Variants in CD44 observed in about 807,000 individuals in gnomAD.
CD44 encodes the protein CD44 antigen.
Under a neutral mutation model 88.8 loss-of-function variants are expected in CD44, and 49 were observed. The observed-to-expected ratio is 0.55, with a 90% CI of 0.44 to 0.70. The LOEUF is 0.70. Among genes scored for constraint, CD44 ranks in the 30% least tolerant of loss-of-function variants. CD44 has a pLI of 0.00. For synonymous variants in CD44, 325 were observed against 312.3 expected (o/e 1.04, Z -0.43); for missense variants, 883 against 913.8 (o/e 0.97, Z 0.43).
intron 1 of CD44, among the ~76,000 whole-genome samples, chr11:35,172,173 C>A (rs1943983450): frequency 6.6e-6 from 1 of 152,192 alleles, no homozygotes; most frequent in Admixed American, 6.5e-5. Flanking sequence ...TTTGACTTGT[C>A]CACTTTTGCT....
chr11:35,173,634 TTTC>T (rs1944148904), intron 1 of CD44, among the ~76,000 whole-genome samples: 1 of 152,260 alleles, frequency 6.6e-6, no homozygotes, highest in Non-Finnish European at 1.5e-5. Context: ...CCATTTCTTG[TTTC>T]TTCTTTTACT....
chr11:35,149,211 C>T (rs762073545), intron 1 of CD44, among the ~76,000 whole-genome samples: 13 of 152,144 alleles, frequency 8.5e-5, no homozygotes, highest in Non-Finnish European at 1.8e-4. Context: ...TTTTTGGTCA[C>T]CATGCTAGAG....
At chr11:35,177,956 T>C (rs1944630587) in intron 2 of CD44, among the ~76,000 whole-genome samples, 1 of 152,222 alleles carries the variant, frequency 6.6e-6, no homozygotes, top group South Asian at 2.1e-4. Context: ...TGCAGAAAGT[T>C]CTATTGAGGA....
chr11:35,179,587 G>A (rs142862551), intron 2 of CD44, among the ~76,000 whole-genome samples: 194 of 152,240 alleles, frequency 1.3e-3, no homozygotes, highest in African/African-American at 4.4e-3. Context: ...TACATGAGCC[G>A]TTGCTATCTG....
At chr11:35,176,039 A>ATTTTTTTTT (rs201610565) in intron 1 of CD44, among the ~76,000 whole-genome samples, 37 of 102,176 alleles carry the variant, frequency 3.6e-4, no homozygotes, top group East Asian at 6.4e-4. Flanking sequence ...TAATTTTTGT[A>ATTTTTTTTT]TTTTTTTTTT....
At chr11:35,158,782 A>T (rs1285335850) in intron 1 of CD44, among the ~76,000 whole-genome samples, 1 of 152,230 alleles carries the variant, frequency 6.6e-6, no homozygotes, top group Non-Finnish European at 1.5e-5. Context: ...TTCCTGGAAC[A>T]ACTGTTGCTG....
chr11:35,221,696 T>G lies in CD44; in HGVS notation c.1988T>G (p.Ile663Ser). 1 of 1,614,150 alleles carries G rather than the reference T, an allele frequency of 6.2e-7. No individual in the cohort carries two copies. Among genetic ancestry groups the G allele is most frequent in the Non-Finnish European group, 8.5e-7 (1 of 1,179,974 alleles). The change falls in exon 17 of 18, where the codon ATT becomes AGT. Residue 663 changes from isoleucine to serine, a missense_variant. This residue lies in a region of CD44 where 631 missense variants were observed against 590.9 expected (regional missense o/e 1.07). Transcript: ENST00000428726. Reference protein sequence around the residue: ...ILASLLALALILAVCIAVNSR... With the variant: ...ILASLLALALSLAVCIAVNSR... ...GCATCCCTCTTGGCCTTGGCTTTGA[T>G]TCTTGCAGTTTGCATTGCAGTCAAC...
chr11:35,210,218 A>G, intron 13 of CD44, 164 bp downstream of exon 13: 1 of 485,954 alleles, frequency 2.1e-6, no homozygotes, highest in Non-Finnish European at 3.6e-6. Context: ...TTTCTGTTTT[A>G]TATACCTCTT....
intron 1 of CD44, among the ~76,000 whole-genome samples, chr11:35,152,959 C>T (rs1246222570): frequency 6.6e-6 from 1 of 151,858 alleles, no homozygotes; most frequent in African/African-American, 2.4e-5. Flanking sequence ...TGCAGCAACA[C>T]CAAAATATGT....
At chr11:35,200,632 G>C (rs1317272171) in intron 7 of CD44, 1 of 159,006 alleles carries the variant, frequency 6.3e-6, no homozygotes. Flanking sequence ...TGATTATCAT[G>C]GTATAACTTT....
chr11:35,191,122 A>G (rs570796858), intron 5 of CD44, among the ~76,000 whole-genome samples: 16 of 152,210 alleles, frequency 1.1e-4, no homozygotes, highest in African/African-American at 3.1e-4. Flanking sequence ...TTTCCTGGCT[A>G]TAGCTCCTGA....
chr11:35,150,574 C>T (rs564065832), intron 1 of CD44, among the ~76,000 whole-genome samples: 19 of 152,320 alleles, frequency 1.2e-4, no homozygotes, highest in Admixed American at 2.6e-4. Flanking sequence ...GAATGTCCTT[C>T]GTCAGATCAC....
At chr11:35,183,784 T>C (rs1312168604) in intron 3 of CD44, among the ~76,000 whole-genome samples, 1 of 152,180 alleles carries the variant, frequency 6.6e-6, no homozygotes, top group Non-Finnish European at 1.5e-5. Context: ...ATTGATTCAT[T>C]TATTAAGCTT....
chr11:35,180,591 TAAAC>T (rs1198946760), intron 3 of CD44, among the ~76,000 whole-genome samples, 184 bp downstream of exon 3: 3 of 152,132 alleles, frequency 2.0e-5, no homozygotes, highest in Non-Finnish European at 4.4e-5. Context: ...AGGCAAACAA[TAAAC>T]AAATAAATAT....
chr11:35,204,650 G>T lies in CD44; in HGVS notation c.1282+10G>T. ...ACAACAGGGACAGCTGGTAATGGAT[G>T]GTTTAACAAGTAAATTTGGATGGAA... On this transcript the variant is annotated intron_variant, in intron 10 of 17. Transcript: ENST00000428726. 1 of 1,611,398 alleles carries T rather than the reference G, an allele frequency of 6.2e-7. No homozygotes were observed. The highest frequency in any genetic ancestry group is 8.5e-7 in the Non-Finnish European group (1 of 1,178,250).
chr11:35,223,680 A>G (rs1949483763), intron 17 of CD44, among the ~76,000 whole-genome samples: 1 of 152,154 alleles, frequency 6.6e-6, no homozygotes, highest in South Asian at 2.1e-4. Flanking sequence ...TGGATGCCAT[A>G]AATTACTATG....
At chr11:35,190,857 C>A (rs914387263) in intron 5 of CD44, among the ~76,000 whole-genome samples, 4 of 152,156 alleles carry the variant, frequency 2.6e-5, no homozygotes, top group African/African-American at 9.7e-5. Context: ...GGGGGTAATT[C>A]ATTACTTAGG....
intron 15 of CD44, among the ~76,000 whole-genome samples, chr11:35,215,902 AC>A (rs1948795613): frequency 1.3e-5 from 2 of 150,158 alleles, no homozygotes; most frequent in South Asian, 4.3e-4. Flanking sequence ...AAACAAAAAA[AC>A]AGGTTAATAT....
chr11:35,191,156 G>C (rs1472609338), intron 5 of CD44, among the ~76,000 whole-genome samples: 2 of 152,204 alleles, frequency 1.3e-5, no homozygotes, highest in Non-Finnish European at 2.9e-5. Context: ...GGCCTCCAAA[G>C]AGTGTGGCAG....
Sources: gnomAD v4.1 joint callset for allele counts (sites outside exome capture counted in the v4.1 genomes callset) on GRCh38, gnomAD v4.1.1 for gene constraint, gnomAD v4.1.1 regional missense constraint, MANE v1.5 for transcripts, NCBI Gene and HGNC (gene_info 2026-07-23, HGNC 2026-07-21) for gene names.